DICER1: variants seen among roughly 807,000 people sequenced by gnomAD.
DICER1 encodes the protein dicer 1, ribonuclease III.
A neutral mutation model predicts 194.1 loss-of-function variants in DICER1; 43 were observed. The ratio of observed to expected loss-of-function variants is 0.22; its 90% CI spans 0.17 to 0.29. The LOEUF is 0.29. DICER1 is among the 10% of genes least tolerant of loss of function. The pLI is 1.00. For missense variants in DICER1, 1,608 were observed against 2,317.0 expected, an observed-to-expected ratio of 0.69 and a Z score of 6.28; for synonymous variants, 832 against 820.5, an observed-to-expected ratio of 1.01 and a Z score of -0.24.
upstream of DICER1, chr14:95,157,586 G>C (rs1029473275): frequency 6.6e-6 from 1 of 152,496 alleles, no homozygotes; most frequent in Non-Finnish European, 1.5e-5. Flanking sequence ...GGCGGCATGA[G>C]AGCGAGCCTG....
intron 9 of DICER1, 54 bp downstream of exon 9, chr14:95,117,568 T>C: frequency 1.3e-6 from 2 of 1,597,308 alleles, no homozygotes; most frequent in South Asian, 2.2e-5. Flanking sequence ...ATGGGCACTT[T>C]GTCTGTATAT....
rs1060503634 is a variant in DICER1, at chr14:95,106,159, G to C, written c.2869C>G (p.Leu957Val). The stretch of plus-strand genomic sequence containing the variant: ...TACTCAGGGGAAGGAAATTTACTGA[G>C]TGGGGTAAGATCAGTGTACACATCA... ...VADVYTDLTP[L>V]SKFPSPEYET... The change falls in exon 18 of 27, where the codon CTC becomes GTC. Residue 957 changes from leucine (L) to valine (V), a missense_variant. By Grantham distance (32) the Leu-to-Val change is conservative. Transcript: ENST00000343455. 6.2e-7 allele frequency: 1 copy of C among 1,613,872 alleles called. No individual in the cohort carries two copies. Among genetic ancestry groups the C allele is most frequent in the Non-Finnish European group, 8.5e-7 (1 of 1,179,742 alleles).
At chr14:95,104,543 G>A (rs993907401) in intron 20 of DICER1, among the ~76,000 whole-genome samples, 6 of 152,230 alleles carry the variant, frequency 3.9e-5, no homozygotes, top group African/African-American at 1.4e-4. Context: ...ATGATTAAAT[G>A]AGCTAACTAA....
Position 95,087,813 on chromosome 14 carries a change from G to C in DICER1, c.*2685C>G. 4.3e-6 allele frequency: 1 copy of C among 233,196 alleles called. No individual in the cohort carries two copies. Among genetic ancestry groups the C allele is most frequent in the East Asian group, 6.0e-5 (1 of 16,580 alleles). The allele number at this position is 233,196 out of a possible 1,614,324, so 14.4% of individuals were successfully genotyped here. On this transcript the variant is annotated 3_prime_UTR_variant, in exon 27 of 27. Transcript: ENST00000343455. Reference sequence around the variant, plus strand: ...CCAGTCCTTTACACACGTGCTCAGGGCACAACCACACCCCACTGGTAGGTT... The same window carrying C: ...CCAGTCCTTTACACACGTGCTCAGGCCACAACCACACCCCACTGGTAGGTT...
intron 10 of DICER1, 31 bp from the exon 11 acceptor site, chr14:95,115,852 A>T: frequency 6.2e-7 from 1 of 1,611,106 alleles, no homozygotes; most frequent in Non-Finnish European, 8.5e-7. Context: ...ACTTATGATG[A>T]AAACACATCC....
intron 22 of DICER1, among the ~76,000 whole-genome samples, chr14:95,099,301 A>ATT (rs1224450937): frequency 2.0e-5 from 3 of 147,368 alleles, no homozygotes; most frequent in African/African-American, 7.4e-5. Flanking sequence ...TTTATGGATG[A>ATT]TTTTTTTTTT....
At chr14:95,138,814 T>A (rs1182374249) in intron 1 of DICER1, among the ~76,000 whole-genome samples, 5 of 63,630 alleles carry the variant, frequency 7.9e-5, no homozygotes, top group East Asian at 4.3e-4. Flanking sequence ...CTGGGGACTG[T>A]GGTGGGGTCG....
intron 1 of DICER1, among the ~76,000 whole-genome samples, chr14:95,146,564 C>A (rs1034906286): frequency 1.3e-5 from 2 of 152,228 alleles, no homozygotes; most frequent in African/African-American, 4.8e-5. Context: ...GCCTTCCTCA[C>A]CCTTCAGTTG....
intron 26 of DICER1, 121 bp downstream of exon 26, chr14:95,090,913 C>A: frequency 9.4e-7 from 1 of 1,064,702 alleles, no homozygotes; most frequent in South Asian, 1.4e-5. Context: ...AAACAGAAAT[C>A]TGACAACAGC....
chr14:95,150,665 G>T (rs543714553), intron 1 of DICER1, among the ~76,000 whole-genome samples: 1 of 152,164 alleles, frequency 6.6e-6, no homozygotes. Context: ...GGTTACTAAA[G>T]AATATTTACA....
chr14:95,134,414 C>T (rs1203705482), intron 1 of DICER1: 1 of 152,218 alleles, frequency 6.6e-6, no homozygotes, highest in Non-Finnish European at 1.5e-5. Context: ...CTACCACTGG[C>T]TTTACTGTCA....
At chr14:95,144,281 A>G (rs1894993095) in intron 1 of DICER1, among the ~76,000 whole-genome samples, 1 of 152,156 alleles carries the variant, frequency 6.6e-6, no homozygotes, top group African/African-American at 2.4e-5. Flanking sequence ...GGCACTGAGT[A>G]AGGCAACTGG....
chr14:95,102,300 C>T (rs553755591), intron 21 of DICER1, among the ~76,000 whole-genome samples: 11 of 152,306 alleles, frequency 7.2e-5, no homozygotes, highest in African/African-American at 2.6e-4. Context: ...ACACTACATT[C>T]TGCTACCAGA....
At chr14:95,128,983 T>C (rs1356515989) in intron 6 of DICER1, 1 of 154,250 alleles carries the variant, frequency 6.5e-6, no homozygotes. Context: ...ATAGTAACCC[T>C]CTCAAAAAGA....
intron 23 of DICER1, chr14:95,095,406 G>A: frequency 4.5e-6 from 1 of 220,948 alleles, no homozygotes; most frequent in South Asian, 6.6e-5. Context: ...GACCCTAAAG[G>A]AGGGGTCTTT....
At chr14:95,154,716 T>TA (rs1201536725) in intron 1 of DICER1, among the ~76,000 whole-genome samples, 1 of 152,150 alleles carries the variant, frequency 6.6e-6, no homozygotes, top group Non-Finnish European at 1.5e-5. Flanking sequence ...AATCAGGAGT[T>TA]AGTGTTAATG....
At chr14:95,099,405 AG>A (rs1216701297) in intron 22 of DICER1, among the ~76,000 whole-genome samples, 1 of 152,196 alleles carries the variant, frequency 6.6e-6, no homozygotes, top group Admixed American at 6.5e-5. Flanking sequence ...TGGAGATCAC[AG>A]GTCACTGAAA....
rs534210988 is a variant in DICER1, at chr14:95,144,655, A to T, written c.-45-11152T>A. Among the ~76,000 whole-genome samples the T allele has an allele frequency of 3.2e-4, 49 of 152,318 alleles. 1 individual carries two copies. The South Asian group carries it at 9.9e-3, about 31-fold the overall frequency. ...CCGTAAGATTCGGCATAGAAAATGC[A>T]TTCTCATATAATGCATAGAAGATTT... On this transcript the variant is annotated intron_variant, in intron 1 of 26. Transcript: ENST00000343455.
intron 1 of DICER1, among the ~76,000 whole-genome samples, chr14:95,149,631 C>T (rs1321380268): frequency 6.6e-6 from 1 of 152,182 alleles, no homozygotes; most frequent in South Asian, 2.1e-4. Flanking sequence ...TCATACTATA[C>T]TCACATTCAT....
Sources: allele counts gnomAD v4.1 joint callset (sites outside exome capture counted in the v4.1 genomes callset), GRCh38; gene constraint gnomAD v4.1.1; transcripts MANE v1.5; gene names NCBI Gene and HGNC (gene_info 2026-07-23, HGNC 2026-07-21).